Variants in RPTOR observed in about 807,000 individuals in gnomAD.
RPTOR encodes the protein regulatory-associated protein of mTOR.
In RPTOR, 21 loss-of-function variants were observed where a neutral mutation model predicts 169.9. The observed-to-expected ratio is 0.12, with a 90% CI of 0.09 to 0.18. The LOEUF is 0.18. Among genes scored for constraint, RPTOR ranks in the 10% least tolerant of loss-of-function variants. The pLI is 1.00. For missense variants in RPTOR, 1,133 were observed against 1,855.9 expected, an observed-to-expected ratio of 0.61 and a Z score of 7.16; for synonymous variants, 732 against 753.2, an observed-to-expected ratio of 0.97 and a Z score of 0.46.
intron 7 of RPTOR, among the ~76,000 whole-genome samples, chr17:80,798,019 C>T (rs549635379): frequency 6.0e-4 from 92 of 152,320 alleles, no homozygotes; most frequent in African/African-American, 2.1e-3. Flanking sequence ...TGAGTTCCCC[C>T]TTATTTCCCT....
At chr17:80,828,164 G>A (rs1567934744) in intron 9 of RPTOR, among the ~76,000 whole-genome samples, 1 of 152,200 alleles carries the variant, frequency 6.6e-6, no homozygotes, top group Non-Finnish European at 1.5e-5. Context: ...CAGCATCGTT[G>A]TCAGCGTGAG....
At chr17:80,876,506 G>T (rs1418609121) in intron 13 of RPTOR, among the ~76,000 whole-genome samples, 2 of 36,574 alleles carry the variant, frequency 5.5e-5, no homozygotes, top group African/African-American at 1.8e-4. Flanking sequence ...CACCGAGCCC[G>T]TGCCACGCAG....
At chr17:80,665,645 C>T (rs796181646) in intron 3 of RPTOR, among the ~76,000 whole-genome samples, 29 of 151,242 alleles carry the variant, frequency 1.9e-4, no homozygotes, top group African/African-American at 6.6e-4. Context: ...CCCAGGTTCA[C>T]GCCATTCTCC....
chr17:80,947,120 G>A lies in RPTOR; in HGVS notation c.3141-107G>A, dbSNP rs1598417899. 1 of 1,131,454 alleles carries A rather than the reference G, an allele frequency of 8.8e-7. No individual in the cohort carries two copies. The highest frequency in any genetic ancestry group is 3.0e-5 in the East Asian group (1 of 33,498). 70.1% of individuals were successfully genotyped at this position (1,131,454 alleles called of 1,614,324 possible). On this transcript the variant is annotated intron_variant, in intron 26 of 33. Transcript: ENST00000306801. This position sits in a 1 kb window ranked among gnomAD's most constrained non-coding sequence, Gnocchi z 4.4. ...GTGTGAGCCGCCGTGCCCGGCTGTGGTGTGTGGTTTTTTGATAGCAGCCCG... is the reference window on the plus strand; with the variant it reads ...GTGTGAGCCGCCGTGCCCGGCTGTGATGTGTGGTTTTTTGATAGCAGCCCG...
intron 1 of RPTOR, among the ~76,000 whole-genome samples, chr17:80,623,924 G>T (rs1414736206): frequency 6.6e-6 from 1 of 152,044 alleles, no homozygotes; most frequent in African/African-American, 2.4e-5. Context: ...TAGAGATGGG[G>T]TCTTGCTGTG....
chr17:80,667,286 G>A (rs1237307494), intron 3 of RPTOR, among the ~76,000 whole-genome samples: 1 of 152,170 alleles, frequency 6.6e-6, no homozygotes, highest in East Asian at 1.9e-4. Context: ...AGGTGGTGAC[G>A]TCTGAGCTGG....
intron 7 of RPTOR, chr17:80,802,796 G>A (rs2067175113): frequency 6.6e-6 from 1 of 152,518 alleles, no homozygotes; most frequent in South Asian, 2.1e-4. Flanking sequence ...CGTCCTTTCT[G>A]ATGTTGGCCT....
chr17:80,693,096 A>G (rs1318953384), intron 3 of RPTOR, among the ~76,000 whole-genome samples: 1 of 152,192 alleles, frequency 6.6e-6, no homozygotes, highest in African/African-American at 2.4e-5. Context: ...ACGTGTCCTC[A>G]TTGGAATCAA....
intron 3 of RPTOR, among the ~76,000 whole-genome samples, chr17:80,649,960 G>T (rs886701982): frequency 6.6e-6 from 1 of 152,230 alleles, no homozygotes; most frequent in Non-Finnish European, 1.5e-5. Flanking sequence ...AGCAAGCTTA[G>T]ATTATGCGAA....
chr17:80,798,798 A>G (rs914819537), intron 7 of RPTOR, among the ~76,000 whole-genome samples: 11 of 152,220 alleles, frequency 7.2e-5, no homozygotes, highest in Non-Finnish European at 1.6e-4. Context: ...AAATTTTTGA[A>G]TAGTTGAGAG....
intron 5 of RPTOR, among the ~76,000 whole-genome samples, chr17:80,734,069 A>T (rs910782940): frequency 1.3e-5 from 2 of 152,212 alleles, no homozygotes; most frequent in African/African-American, 2.4e-5. Context: ...ACAAGCATTA[A>T]ACCTTGTACC....
At chr17:80,937,358 T>C (rs573530018) in intron 24 of RPTOR, among the ~76,000 whole-genome samples, 1 of 152,202 alleles carries the variant, frequency 6.6e-6, no homozygotes, top group African/African-American at 2.4e-5. Flanking sequence ...GGCTCCCAGA[T>C]TCCCCGGATA....
chr17:80,546,942 G>A (rs1169427509), intron 1 of RPTOR, among the ~76,000 whole-genome samples: 8 of 152,094 alleles, frequency 5.3e-5, no homozygotes, highest in Admixed American at 5.2e-4. Flanking sequence ...GGTGGCAGGT[G>A]CCCGTAATCC....
intron 1 of RPTOR, among the ~76,000 whole-genome samples, chr17:80,566,820 T>G (rs2064847157): frequency 3.2e-5 from 1 of 31,450 alleles, no homozygotes; most frequent in Non-Finnish European, 5.1e-5. Context: ...CGAGACTCCG[T>G]CTCAAAAAAA....
intron 1 of RPTOR, among the ~76,000 whole-genome samples, chr17:80,579,063 T>C (rs1568315822): frequency 1.3e-5 from 2 of 152,108 alleles, no homozygotes; most frequent in Non-Finnish European, 2.9e-5. Flanking sequence ...TACTCTGCAT[T>C]GGTACTCTGC....
Position 80,674,787 on chromosome 17 carries a change from CAAAAAAAAAA to C in RPTOR, c.348+31006_348+31015del, listed in dbSNP as rs9319608. The stretch of plus-strand genomic sequence containing the variant: ...TGGGCAACAGAGCAAGACTCTGTCT[CAAAAAAAAAA>C]AAAAAAAAAAAAAAAAAAAAAAAAA... On this transcript the variant is annotated intron_variant, in intron 3 of 33. Transcript: ENST00000306801. Among the ~76,000 whole-genome samples the C allele has an allele frequency of 1.1e-4, 10 of 89,960 alleles. No homozygotes were observed. The East Asian group carries it at 1.1e-3, about 10-fold the overall frequency. 59.0% of individuals were successfully genotyped at this position (89,960 alleles called of 152,430 possible).
chr17:80,596,465 G>A (rs563288050), intron 1 of RPTOR, among the ~76,000 whole-genome samples: 2 of 152,144 alleles, frequency 1.3e-5, no homozygotes, highest in Non-Finnish European at 2.9e-5. Flanking sequence ...CCTCTTATGG[G>A]CTAGTCATTT....
intron 4 of RPTOR, among the ~76,000 whole-genome samples, chr17:80,720,144 A>G (rs2066272732): frequency 6.6e-6 from 1 of 152,150 alleles, no homozygotes; most frequent in Non-Finnish European, 1.5e-5. Flanking sequence ...AATACCAAAA[A>G]AAAATTAGCC....
intron 10 of RPTOR, among the ~76,000 whole-genome samples, chr17:80,840,852 ACTCACCACACGGCAGCTCACT>A (rs2067635203): frequency 4.8e-5 from 1 of 20,740 alleles, no homozygotes; most frequent in Non-Finnish European, 9.1e-5. Context: ...GGCAGCTCAC[ACTCACCACACGGCAGCTCACT>A]CTCACCACAC....
Sources: gnomAD v4.1 joint callset for allele counts (sites outside exome capture counted in the v4.1 genomes callset) on GRCh38, gnomAD v4.1.1 for gene constraint, Gnocchi (gnomAD v3.1) non-coding constraint, MANE v1.5 for transcripts, NCBI Gene and HGNC (gene_info 2026-07-23, HGNC 2026-07-21) for gene names.